PARD3B: variants seen among roughly 807,000 people sequenced by gnomAD.
PARD3B encodes the protein partitioning defective 3 homolog B.
Under a neutral mutation model 130.2 loss-of-function variants are expected in PARD3B, and 103 were observed. The ratio of observed to expected loss-of-function variants is 0.79; its 90% CI spans 0.67 to 0.93. PARD3B has a LOEUF of 0.93. Ranked by LOEUF, PARD3B falls within the 40% of genes least tolerant of loss-of-function variation. The pLI, the probability that PARD3B is intolerant of heterozygous loss-of-function variation, is 0.00. For synonymous variants in PARD3B, 583 were observed against 553.2 expected (o/e 1.05, Z -0.76); for missense variants, 1,609 against 1,499.2 (o/e 1.07, Z -1.21).
At chr2:205,471,741 A>T (rs1037346568) in intron 20 of PARD3B, among the ~76,000 whole-genome samples, 4 of 152,230 alleles carry the variant, frequency 2.6e-5, no homozygotes, top group African/African-American at 9.6e-5. Flanking sequence ...ATTGGTCAGA[A>T]CTGTAACTTT....
At chr2:205,455,901 C>T (rs1045140036) in intron 20 of PARD3B, among the ~76,000 whole-genome samples, 1 of 151,994 alleles carries the variant, frequency 6.6e-6, no homozygotes, top group Admixed American at 6.6e-5. Context: ...GAACTATTTT[C>T]ATCACCACAA....
chr2:205,402,986 A>T (rs547978717), intron 19 of PARD3B, among the ~76,000 whole-genome samples: 1 of 152,218 alleles, frequency 6.6e-6, no homozygotes, highest in East Asian at 1.9e-4. Context: ...AACATCTGGC[A>T]TTGCTCCCAA....
In PARD3B at chr2:204,799,694, A is replaced by G. The variant is rs1322242121; in HGVS notation, c.222+113412A>G. 2.0e-5 allele frequency among the ~76,000 whole-genome samples: 3 copies of G among 152,194 alleles called. No homozygotes were observed. The highest frequency in any genetic ancestry group is 4.8e-5 in the African/African-American group (2 of 41,458). On this transcript the variant is annotated intron_variant, in intron 2 of 22. Transcript: ENST00000406610. This position sits in a 1 kb window ranked among gnomAD's most constrained non-coding sequence, Gnocchi z 4.1. ...GAAAGACTGACTCTTTTTGGGGGCA[A>G]AGTGAGGGAAGAGAACAAGAGTCTC...
chr2:205,119,642 C>T (rs929627050), intron 7 of PARD3B, among the ~76,000 whole-genome samples: 4 of 151,950 alleles, frequency 2.6e-5, no homozygotes, highest in East Asian at 1.9e-4. Flanking sequence ...ATTAGCCAGG[C>T]GTGGTGGTAC....
In PARD3B at chr2:204,673,366, A is replaced by C. The variant is rs577543611; in HGVS notation, c.121-12815A>C. Among the ~76,000 whole-genome samples, 2 of 152,244 alleles carry C rather than the reference A, an allele frequency of 1.3e-5. No homozygotes were observed. Among genetic ancestry groups the C allele is most frequent in the Non-Finnish European group, 2.9e-5 (2 of 68,042 alleles). On this transcript the variant is annotated intron_variant, in intron 1 of 22. Coordinates refer to ENST00000406610, the MANE Select transcript of PARD3B (RefSeq NM_001302769.2). This position sits in a 1 kb window ranked among gnomAD's most constrained non-coding sequence, Gnocchi z 4.7. ...TTTCATTTTGTAGAGTGGAATAAAA[A>C]ATTTACTCAGTGTGGTGCAAGATAC...
chr2:204,909,095 G>T (rs73053146), intron 2 of PARD3B, among the ~76,000 whole-genome samples: 8,994 of 152,108 alleles, frequency 0.059, 437 homozygotes, highest in African/African-American at 0.14. Flanking sequence ...CTGCAGGAGG[G>T]TTCAGAGGTT....
At position 204,730,573 on chromosome 2, in the gene PARD3B, T is replaced by TA. The variant is rs780425998; in HGVS notation, c.222+44302dup. On this transcript the variant is annotated intron_variant, in intron 2 of 22. Transcript: ENST00000406610. Reference sequence around the variant, plus strand: ...GCAATCTTGCAGACAGATGCAGGGGTAAAAAAAAAAAGAAAAAAAAAAAAA... The same window carrying TA: ...GCAATCTTGCAGACAGATGCAGGGGTAAAAAAAAAAAAGAAAAAAAAAAAAA... 4.6e-3 allele frequency among the ~76,000 whole-genome samples: 455 copies of TA among 99,210 alleles called. 4 individuals carry two copies. Among genetic ancestry groups the TA allele is most frequent in the South Asian group, 0.028 (95 of 3,422 alleles). 65.1% of individuals were successfully genotyped at this position (99,210 alleles called of 152,430 possible).
intron 3 of PARD3B, among the ~76,000 whole-genome samples, chr2:205,016,759 T>C (rs1696179856): frequency 6.6e-6 from 1 of 152,162 alleles, no homozygotes; most frequent in African/African-American, 2.4e-5. Flanking sequence ...TGGACCACTG[T>C]TCTTTTAGGC....
intron 20 of PARD3B, among the ~76,000 whole-genome samples, chr2:205,469,600 A>G (rs543501870): frequency 6.6e-6 from 1 of 152,328 alleles, no homozygotes; most frequent in Non-Finnish European, 1.5e-5. Flanking sequence ...AACTATAGTC[A>G]GCCTAATCTT....
At chr2:204,735,596 C>G (rs373159488) in intron 2 of PARD3B, among the ~76,000 whole-genome samples, 30 of 152,224 alleles carry the variant, frequency 2.0e-4, no homozygotes, top group African/African-American at 7.0e-4. Context: ...GAAAAAGTCA[C>G]AGCCAAACGT....
chr2:205,356,222 C>T (rs555856347), intron 18 of PARD3B, among the ~76,000 whole-genome samples: 22 of 152,206 alleles, frequency 1.4e-4, no homozygotes, highest in African/African-American at 4.6e-4. Flanking sequence ...TCAGTTCTAT[C>T]TAGGGATGGT....
intron 2 of PARD3B, among the ~76,000 whole-genome samples, chr2:204,771,019 T>C (rs2041349857): frequency 2.0e-5 from 3 of 152,068 alleles, no homozygotes; most frequent in African/African-American, 4.8e-5. Context: ...TAAATTAGGC[T>C]TATTGTTTAG....
intron 21 of PARD3B, among the ~76,000 whole-genome samples, chr2:205,518,144 T>A (rs1229137370): frequency 5.3e-5 from 8 of 152,138 alleles, no homozygotes; most frequent in Admixed American, 5.2e-4. Flanking sequence ...CTTTGTAAAT[T>A]TTCTGCCTCG....
rs552750223 is a variant in PARD3B, at chr2:204,682,132, A to G, written c.121-4049A>G. ...GGCCATCCAGTCTCCAGGCTCACTA[A>G]TGATGATGCACCCGAGGCCCAGAAT... is the stretch of plus-strand genomic sequence containing the variant. On this transcript the variant is annotated intron_variant, in intron 1 of 22. Coordinates refer to ENST00000406610, the MANE Select transcript of PARD3B (RefSeq NM_001302769.2). 3.9e-5 allele frequency among the ~76,000 whole-genome samples: 6 copies of G among 152,252 alleles called. No homozygotes were observed. In the South Asian group the frequency reaches 1.2e-3, roughly 32 times the overall value.
At chr2:205,478,198 A>G (rs551767128) in intron 20 of PARD3B, among the ~76,000 whole-genome samples, 1 of 152,330 alleles carries the variant, frequency 6.6e-6, no homozygotes, top group African/African-American at 2.4e-5. Flanking sequence ...AAAGCCTTGA[A>G]GTAAACTGAG....
chr2:204,603,489 G>A (rs1329490130), intron 1 of PARD3B, among the ~76,000 whole-genome samples: 1 of 151,998 alleles, frequency 6.6e-6, no homozygotes, highest in African/African-American at 2.4e-5. Flanking sequence ...GAAATTGTTT[G>A]GATCTCTGAG....
rs1374591422 is a variant in PARD3B at position 205,176,666 on chromosome 2, G to C, written c.1924+89G>C. The C allele has an allele frequency of 3.1e-6, 4 of 1,304,478 alleles. No homozygotes were observed. Among genetic ancestry groups the C allele is most frequent in the Non-Finnish European group, 4.1e-6 (4 of 968,370 alleles). The allele number at this position is 1,304,478 out of a possible 1,614,324, so 80.8% of individuals were successfully genotyped here. A position where few individuals can be genotyped will look rare whatever the true frequency, so the allele number is the denominator to read the frequency against. On this transcript the variant is annotated intron_variant, in intron 13 of 22. Transcript: ENST00000406610. This position sits in a 1 kb window ranked among gnomAD's most constrained non-coding sequence, Gnocchi z 5.3. ...CTAAAAAAAAAAAAAAAGAGTAAAG[G>C]GGAGTTAATTAGACTAAGTGCAGAC...
Position 205,217,868 on chromosome 2 carries a change from G to GTATA in PARD3B, c.2140+24572_2140+24575dup, listed in dbSNP as rs1233399793. Among the ~76,000 whole-genome samples the GTATA allele has an allele frequency of 1.7e-3, 80 of 47,112 alleles. 1 individual carries two copies. Among genetic ancestry groups the GTATA allele is most frequent in the Admixed American group, 3.1e-3 (9 of 2,902 alleles). The allele number at this position is 47,112 out of a possible 152,430, so 30.9% of individuals were successfully genotyped here. A position where few individuals can be genotyped will look rare whatever the true frequency, so the allele number is the denominator to read the frequency against. On this transcript the variant is annotated intron_variant, in intron 15 of 22. Transcript: ENST00000406610. ...TATGTGTGTGTGTGTGTGTGTGTGT[G>GTATA]TATATATATATATATATATATATAT...
chr2:205,209,516 T>C (rs897188704), intron 15 of PARD3B, among the ~76,000 whole-genome samples: 4 of 152,012 alleles, frequency 2.6e-5, no homozygotes, highest in Non-Finnish European at 4.4e-5. Context: ...AAATCCATTT[T>C]AGTTTTTTGA....
Sources: gnomAD v4.1 joint callset for allele counts (sites outside exome capture counted in the v4.1 genomes callset) on GRCh38, gnomAD v4.1.1 for gene constraint, Gnocchi (gnomAD v3.1) non-coding constraint, MANE v1.5 for transcripts, NCBI Gene and HGNC (gene_info 2026-07-23, HGNC 2026-07-21) for gene names.